Variants in GFOD1 observed in about 807,000 individuals in gnomAD.
GFOD1 encodes glucose-fructose oxidoreductase domain-containing protein 1.
Under a neutral mutation model 25.4 loss-of-function variants are expected in GFOD1, and 9 were observed. The observed-to-expected ratio is 0.35, with a 90% CI of 0.21 to 0.62. The LOEUF (loss-of-function observed/expected upper bound fraction) is 0.62. Among genes scored for constraint, GFOD1 ranks in the 20% least tolerant of loss-of-function variants. GFOD1 has a pLI of 0.72. For synonymous variants in GFOD1, 253 were observed against 245.6 expected, an observed-to-expected ratio of 1.03 and a Z score of -0.28; for missense variants, 403 against 556.9, an observed-to-expected ratio of 0.72 and a Z score of 2.78.
chr6:13,477,216 G>GTGTGT (rs869069113), intron 1 of GFOD1, among the ~76,000 whole-genome samples: 23,603 of 140,694 alleles, frequency 0.17, 2,314 homozygotes, highest in Admixed American at 0.24. Context: ...ACCAATAGGG[G>GTGTGT]GTGTGTGTGT....
chr6:13,486,189 T>G, intron 1 of GFOD1: 1 of 993,470 alleles, frequency 1.0e-6, no homozygotes, highest in Non-Finnish European at 1.2e-6. Context: ...CAGGCGTTTC[T>G]GGGCGCGCAC....
In GFOD1 at chr6:13,363,554, CCTT is replaced by C. The variant is rs1270922070; in HGVS notation, c.*1186_*1188del. Reference sequence around the variant, plus strand: ...AGCAAATGCTGGAGCTAAGGAAAATCCTTTTTTTTTTTTTTTTTTTTTTTTTTT... The same window carrying C: ...AGCAAATGCTGGAGCTAAGGAAAATCTTTTTTTTTTTTTTTTTTTTTTTTT... On this transcript the variant is annotated 3_prime_UTR_variant, in exon 2 of 2. Coordinates refer to ENST00000379287, the MANE Select transcript of GFOD1 (RefSeq NM_018988.4). 7.4e-5 allele frequency: 9 copies of C among 121,700 alleles called. No homozygotes were observed. Among genetic ancestry groups the C allele is most frequent in the Non-Finnish European group, 1.3e-4 (8 of 60,158 alleles). The allele number at this position is 121,700 out of a possible 1,614,324, so 7.5% of individuals were successfully genotyped here. A position where few individuals can be genotyped will look rare whatever the true frequency, so the allele number is the denominator to read the frequency against.
intron 1 of GFOD1, among the ~76,000 whole-genome samples, chr6:13,484,588 C>T (rs960592500): frequency 6.6e-6 from 1 of 152,326 alleles, no homozygotes; most frequent in African/African-American, 2.4e-5. Flanking sequence ...GTCTATTATG[C>T]CTCTTATCGC....
At chr6:13,392,225 T>G (rs1785627409) in intron 1 of GFOD1, among the ~76,000 whole-genome samples, 1 of 150,794 alleles carries the variant, frequency 6.6e-6, no homozygotes. Context: ...TAGCCAGGTG[T>G]GATGGTGTGC....
At chr6:13,431,355 A>G (rs985038262) in intron 1 of GFOD1, among the ~76,000 whole-genome samples, 5 of 152,226 alleles carry the variant, frequency 3.3e-5, no homozygotes, top group African/African-American at 1.2e-4. Flanking sequence ...GTCTGAGTCA[A>G]GATTCCATCC....
At chr6:13,393,552 GT>G (rs1785660302) in intron 1 of GFOD1, among the ~76,000 whole-genome samples, 3 of 151,890 alleles carry the variant, frequency 2.0e-5, no homozygotes. Flanking sequence ...CATAACAGGG[GT>G]TCCTGAAAAC....
chr6:13,365,259 G>C lies in GFOD1; in HGVS notation c.657C>G (p.Asp219Glu). 6.2e-7 allele frequency: 1 copy of C among 1,614,230 alleles called. No homozygotes were observed. Among genetic ancestry groups the C allele is most frequent in the Non-Finnish European group, 8.5e-7 (1 of 1,180,044 alleles). The change falls in exon 2 of 2, where the codon GAC becomes GAG. Residue 219 changes from aspartate to glutamate, a missense_variant. Asp to Glu is a conservative substitution (Grantham distance 45). Transcript: ENST00000379287. This position sits in a 1 kb window ranked among gnomAD's most constrained non-coding sequence, Gnocchi z 9.2. ...CCAGCACCATCTGGAAGGTGCAGAA[G>C]TCATCGCTGGTGATCTGTCGGATGC... is the stretch of plus-strand genomic sequence containing the variant. ...IKGIRQITSD[D>E]FCTFQMVLEG...
intron 1 of GFOD1, among the ~76,000 whole-genome samples, chr6:13,381,594 C>T (rs1371220900): frequency 3.3e-5 from 5 of 152,184 alleles, no homozygotes; most frequent in Non-Finnish European, 5.9e-5. Flanking sequence ...GCCTGGGGCT[C>T]CTGGACAATC....
At chr6:13,467,926 AT>A (rs1240401321) in intron 1 of GFOD1, among the ~76,000 whole-genome samples, 10 of 152,044 alleles carry the variant, frequency 6.6e-5, no homozygotes, top group African/African-American at 2.4e-4. Flanking sequence ...GGCTAAACTC[AT>A]TTTTGCCCTG....
chr6:13,439,445 A>G (rs1229645183), intron 1 of GFOD1, among the ~76,000 whole-genome samples: 3 of 152,220 alleles, frequency 2.0e-5, no homozygotes, highest in African/African-American at 4.8e-5. Context: ...CCCTTCTAGC[A>G]TATGTGGGAA....
intron 1 of GFOD1, among the ~76,000 whole-genome samples, chr6:13,445,850 G>A (rs543518238): frequency 5.3e-5 from 8 of 152,282 alleles, no homozygotes; most frequent in South Asian, 2.1e-4. Context: ...CAGTCCAGAC[G>A]TCCAACCTCA....
At chr6:13,393,842 C>T (rs1180777800) in intron 1 of GFOD1, among the ~76,000 whole-genome samples, 4 of 134,630 alleles carry the variant, frequency 3.0e-5, no homozygotes, top group Admixed American at 9.1e-5. Context: ...TACAGTGGTG[C>T]GATCTCGGCT....
intron 1 of GFOD1, among the ~76,000 whole-genome samples, chr6:13,390,069 C>G (rs1053871394): frequency 6.6e-6 from 1 of 152,156 alleles, no homozygotes; most frequent in Non-Finnish European, 1.5e-5. Context: ...GTCCCACCAC[C>G]TCTGGGACAT....
chr6:13,479,931 G>T (rs571166006), intron 1 of GFOD1, among the ~76,000 whole-genome samples: 4 of 152,154 alleles, frequency 2.6e-5, no homozygotes, highest in Non-Finnish European at 4.4e-5. Context: ...GGAAATGCAG[G>T]GTTTGCTAGG....
chr6:13,405,923 C>A (rs1252866999), intron 1 of GFOD1, among the ~76,000 whole-genome samples: 2 of 152,194 alleles, frequency 1.3e-5, no homozygotes, highest in African/African-American at 2.4e-5. Flanking sequence ...CTCAACTCAT[C>A]AGTGGCTTGA....
intron 1 of GFOD1, among the ~76,000 whole-genome samples, chr6:13,484,398 C>T (rs572654241): frequency 1.3e-5 from 2 of 152,198 alleles, no homozygotes; most frequent in Non-Finnish European, 2.9e-5. Context: ...TCACTTCCTA[C>T]GTTCTATGTG....
chr6:13,410,436 G>A (rs947079651), intron 1 of GFOD1, among the ~76,000 whole-genome samples: 3 of 151,952 alleles, frequency 2.0e-5, no homozygotes, highest in Non-Finnish European at 2.9e-5. Context: ...GGGTGGTGGT[G>A]CATGCCTGTA....
At chr6:13,421,715 G>A (rs185962408) in intron 1 of GFOD1, among the ~76,000 whole-genome samples, 2 of 152,054 alleles carry the variant, frequency 1.3e-5, no homozygotes, top group East Asian at 1.9e-4. Context: ...TCTGTAATTC[G>A]ATCAGCATTT....
At chr6:13,426,554 C>T (rs1786356694) in intron 1 of GFOD1, among the ~76,000 whole-genome samples, 1 of 152,170 alleles carries the variant, frequency 6.6e-6, no homozygotes, top group Non-Finnish European at 1.5e-5. Context: ...CCCTTAAACG[C>T]CCGGGAAGCG....
Sources: gnomAD v4.1 joint callset for allele counts (sites outside exome capture counted in the v4.1 genomes callset) on GRCh38, gnomAD v4.1.1 for gene constraint, Gnocchi (gnomAD v3.1) non-coding constraint, MANE v1.5 for transcripts, NCBI Gene and HGNC (gene_info 2026-07-23, HGNC 2026-07-21) for gene names.